Variants in HIGD2B observed in about 807,000 individuals in gnomAD.
The protein encoded by HIGD2B is HIG1 domain family member 2B.
For synonymous variants in HIGD2B, 45 were observed against 28.1 expected (o/e 1.60, Z -1.90); for missense variants, 106 against 67.0 (o/e 1.58, Z -2.03).
intron 2 of HIGD2B, among the ~76,000 whole-genome samples, chr15:72,679,247 C>T (rs1454029909): frequency 2.0e-5 from 3 of 151,652 alleles, no homozygotes; most frequent in Admixed American, 6.6e-5. Context: ...CTCCTGTAGC[C>T]CCAGCTACTA....
At chr15:72,685,535 G>A (rs568377721) in intron 1 of HIGD2B, among the ~76,000 whole-genome samples, 1 of 152,216 alleles carries the variant, frequency 6.6e-6, no homozygotes, top group Non-Finnish European at 1.5e-5. Context: ...ACAGGTAATG[G>A]AGAACGCCTT....
Position 72,685,862 on chromosome 15 carries a change from G to A in HIGD2B, c.-237C>T, listed in dbSNP as rs143267235. 597 of 384,070 alleles carry A rather than the reference G, an allele frequency of 1.6e-3. 1 individual carries two copies. The highest frequency in any genetic ancestry group is 0.012 in the African/African-American group (571 of 48,862). 23.8% of individuals were successfully genotyped at this position (384,070 alleles called of 1,614,324 possible). On this transcript the variant is annotated 5_prime_UTR_variant, in exon 1 of 3. Coordinates refer to ENST00000311755, the MANE Select transcript of HIGD2B (RefSeq NM_001350932.3). The stretch of plus-strand genomic sequence containing the variant: ...CTCCGCCGAAATCTCCCGGAAGAAG[G>A]ACTGAATTAAATGCAGATTAGAGTC...
Position 72,676,343 on chromosome 15 carries a change from G to C in HIGD2B, c.32C>G (p.Ala11Gly), listed in dbSNP as rs1260630855. The C allele has an allele frequency of 1.3e-6, 1 of 761,092 alleles. No homozygotes were observed. The highest frequency in any genetic ancestry group is 1.7e-5 in the Admixed American group (1 of 58,114). 47.1% of individuals were successfully genotyped at this position (761,092 alleles called of 1,614,324 possible). Residue 11 changes from alanine (A) to glycine (G), a missense_variant, in exon 3 of 3, where the codon GCC becomes GGC. Ala to Gly is a moderately conservative substitution (Grantham distance 60). Transcript: ENST00000311755. MATLGFVTPEAPFESSKPPIF... is the reference protein window; with the variant it reads MATLGFVTPEGPFESSKPPIF... ...GGGGGGCTTCGATGATTCAAAGGGG[G>C]CCTCCGGAGTCACAAAGCCGAGAGT... is the stretch of plus-strand genomic sequence containing the variant.
chr15:72,677,339 T>C (rs2064702871), intron 2 of HIGD2B, among the ~76,000 whole-genome samples: 2 of 152,042 alleles, frequency 1.3e-5, no homozygotes, highest in African/African-American at 2.4e-5. Flanking sequence ...GGCAGGAGAA[T>C]CGCTTGAACC....
chr15:72,682,117 G>T (rs1371203111), intron 1 of HIGD2B: 1 of 152,004 alleles, frequency 6.6e-6, no homozygotes, highest in African/African-American at 2.4e-5. Context: ...ATAAATCTTT[G>T]TTTTCTTGAT....
At chr15:72,684,581 G>A (rs1267295662) in intron 1 of HIGD2B, among the ~76,000 whole-genome samples, 4 of 152,120 alleles carry the variant, frequency 2.6e-5, no homozygotes, top group Non-Finnish European at 5.9e-5. Context: ...TCCACCTCCT[G>A]GATTCAAGCA....
chr15:72,686,093 T>C lies in HIGD2B; in HGVS notation c.-468A>G, dbSNP rs113421917. ...GTGGAGCAGACCCTAATCCTCCCCC[T>C]GATTCCTTAGGTCACTCGGCGATTT... On this transcript the variant is annotated 5_prime_UTR_variant, in exon 1 of 3. Coordinates refer to ENST00000311755, the MANE Select transcript of HIGD2B (RefSeq NM_001350932.3). 3.1e-3 allele frequency: 2,871 copies of C among 930,546 alleles called. 28 individuals carry two copies. Among genetic ancestry groups the C allele is most frequent in the African/African-American group, 0.026 (1,584 of 61,544 alleles). 57.6% of individuals were successfully genotyped at this position (930,546 alleles called of 1,614,324 possible). A position where few individuals can be genotyped will look rare whatever the true frequency, so the allele number is the denominator to read the frequency against.
chr15:72,675,946 A>G lies in HIGD2B; in HGVS notation c.*108T>C, dbSNP rs1047015329. The G allele has an allele frequency of 1.7e-5, 10 of 603,012 alleles. No homozygotes were observed. Among genetic ancestry groups the G allele is most frequent in the South Asian group, 7.9e-5 (4 of 50,512 alleles). 37.4% of individuals were successfully genotyped at this position (603,012 alleles called of 1,614,324 possible). ...ACAGGAAGGGTCACTTCCTCCCCCA[A>G]CGACACAGGGACCTCTCAAAGGAGA... On this transcript the variant is annotated 3_prime_UTR_variant, in exon 3 of 3. Coordinates refer to ENST00000311755, the MANE Select transcript of HIGD2B (RefSeq NM_001350932.3).
At chr15:72,679,352 C>T (rs1054147480) in intron 2 of HIGD2B, among the ~76,000 whole-genome samples, 3 of 37,884 alleles carry the variant, frequency 7.9e-5, no homozygotes, top group African/African-American at 3.2e-4. Context: ...GCAACAAGCA[C>T]AAAACTGTGT....
chr15:72,685,683 C>G (rs1485186102), intron 1 of HIGD2B, 135 bp downstream of exon 1: 1 of 179,858 alleles, frequency 5.6e-6, no homozygotes, highest in South Asian at 1.1e-4. Flanking sequence ...TTAAATATTT[C>G]CAATCAAAAG....
At position 72,676,036 on chromosome 15, in the gene HIGD2B, G is replaced by A. The variant is rs764726450; in HGVS notation, c.*18C>T. 4.1e-5 allele frequency: 30 copies of A among 723,138 alleles called. No homozygotes were observed. The African/African-American group carries it at 4.7e-4, about 11-fold the overall frequency. The allele number at this position is 723,138 out of a possible 1,614,324, so 44.8% of individuals were successfully genotyped here. A position where few individuals can be genotyped will look rare whatever the true frequency, so the allele number is the denominator to read the frequency against. Reference sequence around the variant, plus strand: ...TGGGTTTTGGAATGATTTCTGCAGAGTTTTCAAGACCCTGGGCTCAGGGTG... The same window carrying A: ...TGGGTTTTGGAATGATTTCTGCAGAATTTTCAAGACCCTGGGCTCAGGGTG... On this transcript the variant is annotated 3_prime_UTR_variant, in exon 3 of 3. Transcript: ENST00000311755.
At chr15:72,682,243 T>C (rs189828036) in intron 1 of HIGD2B, 1 of 160,332 alleles carries the variant, frequency 6.2e-6, no homozygotes, top group Non-Finnish European at 1.4e-5. Context: ...GAACTGACAG[T>C]ATATAAGGGT....
At chr15:72,676,792 C>T (rs936147824) in intron 2 of HIGD2B, among the ~76,000 whole-genome samples, 5 of 152,020 alleles carry the variant, frequency 3.3e-5, no homozygotes, top group African/African-American at 1.2e-4. Flanking sequence ...AGATTAGTGG[C>T]TGCAGGGGTT....
At chr15:72,678,670 A>T (rs1451714688) in intron 2 of HIGD2B, among the ~76,000 whole-genome samples, 1 of 152,146 alleles carries the variant, frequency 6.6e-6, no homozygotes, top group Non-Finnish European at 1.5e-5. Context: ...GGGGCAGCCA[A>T]TTAAAACATA....
chr15:72,677,436 T>G (rs1456616619), intron 2 of HIGD2B, among the ~76,000 whole-genome samples: 1 of 150,760 alleles, frequency 6.6e-6, no homozygotes, highest in African/African-American at 2.4e-5. Flanking sequence ...AAGGGAATAA[T>G]GTTCTGTTTG....
At chr15:72,682,243 T>G (rs189828036) in intron 1 of HIGD2B, 1 of 160,450 alleles carries the variant, frequency 6.2e-6, no homozygotes, top group African/African-American at 2.4e-5. Flanking sequence ...GAACTGACAG[T>G]ATATAAGGGT....
chr15:72,680,615 G>A (rs34337823), intron 1 of HIGD2B, among the ~76,000 whole-genome samples: 18,180 of 152,228 alleles, frequency 0.12, 1,745 homozygotes, highest in East Asian at 0.48. Context: ...GGCTGGGTGC[G>A]TTGGCTCACG....
chr15:72,686,079 C>G lies in HIGD2B; in HGVS notation c.-454G>C, dbSNP rs753833894. 3.6e-6 allele frequency: 3 copies of G among 835,834 alleles called. No individual in the cohort carries two copies. Among genetic ancestry groups the G allele is most frequent in the Admixed American group, 2.0e-5 (1 of 49,280 alleles). 51.8% of individuals were successfully genotyped at this position (835,834 alleles called of 1,614,324 possible). A position where few individuals can be genotyped will look rare whatever the true frequency, so the allele number is the denominator to read the frequency against. ...GAGGTAAGCCTTCTGTGGAGCAGAC[C>G]CTAATCCTCCCCCTGATTCCTTAGG... is the stretch of plus-strand genomic sequence containing the variant. On this transcript the variant is annotated 5_prime_UTR_variant, in exon 1 of 3. Transcript: ENST00000311755.
Position 72,676,308 on chromosome 15 carries a change from C to CCT in HIGD2B, c.65_66dup (p.Gly23ArgfsTer30). 1.3e-6 allele frequency: 1 copy of CCT among 762,328 alleles called. No individual in the cohort carries two copies. The highest frequency in any genetic ancestry group is 2.4e-6 in the Non-Finnish European group (1 of 415,592). 47.2% of individuals were successfully genotyped at this position (762,328 alleles called of 1,614,324 possible). ...TTGCTGTAAACAGTGGGGCTAAGCC[C>CCT]CTCAAAGATGGGGGGCTTCGATGAT... On this transcript the variant is annotated frameshift_variant, in exon 3 of 3. Coordinates refer to ENST00000311755, the MANE Select transcript of HIGD2B (RefSeq NM_001350932.3). LOFTEE classifies it high-confidence loss of function.
Sources: allele counts gnomAD v4.1 joint callset (sites outside exome capture counted in the v4.1 genomes callset), GRCh38; gene constraint gnomAD v4.1.1; transcripts MANE v1.5; gene names NCBI Gene and HGNC (gene_info 2026-07-23, HGNC 2026-07-21).